Variants in RNF149 observed in about 807,000 individuals in gnomAD.
RNF149 encodes E3 ubiquitin-protein ligase RNF149.
RNF149 carries 21 observed loss-of-function variants against 39.0 expected under a neutral mutation model. That is an observed-to-expected ratio of 0.54 (90% CI 0.38 to 0.77). The LOEUF is 0.77. Among genes scored for constraint, RNF149 ranks in the 30% least tolerant of loss-of-function variants. The pLI is 0.00. For missense variants in RNF149, 493 were observed against 534.9 expected (o/e 0.92, Z 0.77); for synonymous variants, 209 against 213.6 (o/e 0.98, Z 0.19).
chr2:101,273,155 C>T (rs1385655546), downstream of RNF149: 15 of 1,323,738 alleles, frequency 1.1e-5, no homozygotes, highest in Non-Finnish European at 1.5e-5. Context: ...TTTTACACCT[C>T]TCTGGCCCTT....
rs1426432716 is a variant in RNF149 at position 101,280,717 on chromosome 2, T to G, written c.1159+1142A>C. Among the ~76,000 whole-genome samples, 3 of 152,056 alleles carry G rather than the reference T, an allele frequency of 2.0e-5. No homozygotes were observed. The South Asian group carries it at 6.2e-4, about 32-fold the overall frequency. ...GTATAAAAAGCTCTAAGGATCAATA[T>G]GAAAAAATTACTATCTCCATAAAAA... is the stretch of plus-strand genomic sequence containing the variant. On this transcript the variant is annotated intron_variant, in intron 6 of 6. Transcript: ENST00000295317.
intron 6 of RNF149, 75 bp from the exon 7 acceptor site, chr2:101,277,356 TACTC>T: frequency 1.3e-6 from 2 of 1,527,886 alleles, no homozygotes; most frequent in Non-Finnish European, 8.8e-7. Context: ...CAAACACACT[TACTC>T]ACTTGGAGAT....
intron 4 of RNF149, 129 bp downstream of exon 4, chr2:101,288,843 CT>C: frequency 1.7e-6 from 1 of 591,134 alleles, no homozygotes; most frequent in Non-Finnish European, 3.0e-6. Flanking sequence ...ATCCAAGCTG[CT>C]TTTCTAAAAA....
downstream of RNF149, among the ~76,000 whole-genome samples, chr2:101,274,875 C>T (rs576157993): frequency 7.9e-4 from 121 of 152,288 alleles, 3 homozygotes; most frequent in South Asian, 0.024. Context: ...CAACCTCTGC[C>T]TCCCAGGTTC....
At position 101,308,130 on chromosome 2, in the gene RNF149, C is replaced by T; in HGVS notation, c.459G>A (p.Ala153=). Residue 153 remains alanine (A), a splice_region_variant and synonymous_variant, in exon 1 of 7, where the codon GCG becomes GCA. Transcript: ENST00000295317. ...GTCCTCGCGCCCCGGCCTGCTCACC[C>T]GCGTGAGACATGGGCAAGGTGATGT... ...YGNITLPMSH[A]GTGNIVVIMI... 1.9e-6 allele frequency: 3 copies of T among 1,607,900 alleles called. No individual in the cohort carries two copies. Among genetic ancestry groups the T allele is most frequent in the South Asian group, 2.2e-5 (2 of 90,950 alleles).
At chr2:101,273,240 G>T, downstream of RNF149, 1 of 717,836 alleles carries the variant, frequency 1.4e-6, no homozygotes, top group South Asian at 1.4e-5. Context: ...CAGGCAGGGG[G>T]CTGCGGAGAG....
intron 4 of RNF149, among the ~76,000 whole-genome samples, chr2:101,288,220 G>A (rs960960846): frequency 7.4e-6 from 1 of 135,290 alleles, no homozygotes. Flanking sequence ...CAGAATAAAG[G>A]AAAGAAAAAC....
Position 101,281,941 on chromosome 2 carries a change from T to C in RNF149, c.1077A>G (p.Pro359=), listed in dbSNP as rs1447971467. The C allele has an allele frequency of 1.2e-6, 2 of 1,614,010 alleles. No individual in the cohort carries two copies. The highest frequency in any genetic ancestry group is 1.7e-6 in the Non-Finnish European group (2 of 1,179,944). ...CAGATTCAGCAGGGGAGGCTGATGGTGGACTGCTGTCATCACTTCCGTCAT... is the reference window on the plus strand; with the variant it reads ...CAGATTCAGCAGGGGAGGCTGATGGCGGACTGCTGTCATCACTTCCGTCAT... ...PDDDGSDDSS[P]PSASPAESEP... The change falls in exon 6 of 7, where the codon CCA becomes CCG. Residue 359 remains proline (P), a synonymous_variant. Coordinates refer to ENST00000295317, the MANE Select transcript of RNF149 (RefSeq NM_173647.4).
At chr2:101,273,331 A>C, downstream of RNF149, 2 of 471,142 alleles carry the variant, frequency 4.2e-6, no homozygotes, top group South Asian at 3.1e-5. Context: ...TGACATGTGA[A>C]CACATGGCTC....
chr2:101,292,880 G>A (rs754299090), intron 3 of RNF149, among the ~76,000 whole-genome samples: 17 of 151,904 alleles, frequency 1.1e-4, no homozygotes, highest in Middle Eastern at 3.5e-3. Context: ...TGTGTGCAGA[G>A]TTTGTCACAG....
intron 3 of RNF149, among the ~76,000 whole-genome samples, chr2:101,291,401 G>A (rs1046296419): frequency 7.3e-5 from 11 of 150,992 alleles, no homozygotes; most frequent in Non-Finnish European, 1.6e-4. Flanking sequence ...CACCCGCCTC[G>A]GCCTCCCAAA....
chr2:101,298,394 C>T (rs1683324408), intron 1 of RNF149, among the ~76,000 whole-genome samples: 1 of 152,062 alleles, frequency 6.6e-6, no homozygotes, highest in African/African-American at 2.4e-5. Flanking sequence ...TACTGTACTC[C>T]AGCCTGGGCA....
At position 101,282,003 on chromosome 2, in the gene RNF149, C is replaced by A. The variant is rs749488097; in HGVS notation, c.1015G>T (p.Asp339Tyr). 4 of 1,614,096 alleles carry A rather than the reference C, an allele frequency of 2.5e-6. No homozygotes were observed. The South Asian group carries it at 3.3e-5, about 13-fold the overall frequency. The change falls in exon 6 of 7, where the codon GAT becomes TAT. Residue 339 changes from aspartate (D) to tyrosine (Y), a missense_variant. Asp to Tyr is a radical substitution (Grantham distance 160). Transcript: ENST00000295317. Reference sequence around the variant, plus strand: ...GCTAGACTCAAATTTGCAGCTGGATCCCTTCCAGGAGGAGATTCTGGAGCA... The same window carrying A: ...GCTAGACTCAAATTTGCAGCTGGATACCTTCCAGGAGGAGATTCTGGAGCA... The part of the protein sequence containing the change: ...MPAPESPPGR[D>Y]PAANLSLALP...
intron 1 of RNF149, among the ~76,000 whole-genome samples, chr2:101,304,044 A>G (rs141953496): frequency 6.6e-6 from 1 of 152,204 alleles, no homozygotes; most frequent in Non-Finnish European, 1.5e-5. Context: ...TAGTGCTTTG[A>G]TGTTTACTAA....
chr2:101,272,951 G>C, downstream of RNF149: 1 of 1,352,242 alleles, frequency 7.4e-7, no homozygotes, highest in South Asian at 1.1e-5. Flanking sequence ...GGTCAGACTA[G>C]TGGTTCGCTT....
At chr2:101,275,427 ATTTCTTT>A (rs1682302350), downstream of RNF149, among the ~76,000 whole-genome samples, 1 of 26,832 alleles carries the variant, frequency 3.7e-5, no homozygotes, top group Admixed American at 4.9e-4. Flanking sequence ...CTCCCCTAGT[ATTTCTTT>A]TTTTTTTTTT....
At position 101,308,625 on chromosome 2, in the gene RNF149, C is replaced by G. The variant is rs1409294166; in HGVS notation, c.-37G>C. ...TGAGCTGACTAGGGGGAGTCAGGGTCACGCGCGAGTGCGGTGCAGTCGAAG... is the reference window on the plus strand; with the variant it reads ...TGAGCTGACTAGGGGGAGTCAGGGTGACGCGCGAGTGCGGTGCAGTCGAAG... On this transcript the variant is annotated 5_prime_UTR_variant, in exon 1 of 7. Transcript: ENST00000295317. The G allele has an allele frequency of 6.8e-7, 1 of 1,468,108 alleles. No individual in the cohort carries two copies. Among genetic ancestry groups the G allele is most frequent in the Admixed American group, 2.6e-5 (1 of 38,898 alleles). The allele number at this position is 1,468,108 out of a possible 1,614,324, so 90.9% of individuals were successfully genotyped here. A position where few individuals can be genotyped will look rare whatever the true frequency, so the allele number is the denominator to read the frequency against.
Position 101,291,175 on chromosome 2 carries a change from G to A in RNF149, c.781-2120C>T, listed in dbSNP as rs535976386. 6.6e-5 allele frequency among the ~76,000 whole-genome samples: 10 copies of A among 150,820 alleles called. No homozygotes were observed. In the South Asian group the frequency reaches 8.3e-4, roughly 13 times the overall value. On this transcript the variant is annotated intron_variant, in intron 3 of 6. Transcript: ENST00000295317. ...TTAATTAATTTTTTTTTTTTGAGACGGAGTCTCGCTCTGTCGCCAGGCTGG... is the reference window on the plus strand; with the variant it reads ...TTAATTAATTTTTTTTTTTTGAGACAGAGTCTCGCTCTGTCGCCAGGCTGG...
intron 1 of RNF149, among the ~76,000 whole-genome samples, chr2:101,303,560 C>T (rs1351813761): frequency 6.6e-6 from 1 of 152,158 alleles, no homozygotes; most frequent in Non-Finnish European, 1.5e-5. Flanking sequence ...CTGCACACCC[C>T]TCTCAACATG....
Sources: allele counts gnomAD v4.1 joint callset (sites outside exome capture counted in the v4.1 genomes callset), GRCh38; gene constraint gnomAD v4.1.1; transcripts MANE v1.5; gene names NCBI Gene and HGNC (gene_info 2026-07-23, HGNC 2026-07-21).